DOCK3: variants seen among roughly 807,000 people sequenced by gnomAD.
DOCK3 encodes dedicator of cytokinesis 3, also known as dedicator of cytokinesis protein 3.
Under a neutral mutation model 265.6 loss-of-function variants are expected in DOCK3, and 60 were observed. The ratio of observed to expected loss-of-function variants is 0.23; its 90% CI spans 0.18 to 0.28. The LOEUF is 0.28. Ranked by LOEUF, DOCK3 falls within the 10% of genes least tolerant of loss-of-function variation. The pLI, the probability that DOCK3 is intolerant of heterozygous loss-of-function variation, is 1.00. For synonymous variants in DOCK3, 881 were observed against 938.0 expected (o/e 0.94, Z 1.11); for missense variants, 1,981 against 2,594.3 (o/e 0.76, Z 5.14).
chr3:51,202,033 G>A (rs2088815996), intron 12 of DOCK3, among the ~76,000 whole-genome samples: 1 of 152,126 alleles, frequency 6.6e-6, no homozygotes, highest in Admixed American at 6.5e-5. Flanking sequence ...GTGTGTAGAG[G>A]GAAATTTATA....
At chr3:50,776,537 GTTGA>G (rs1166516862) in intron 1 of DOCK3, among the ~76,000 whole-genome samples, 4 of 151,942 alleles carry the variant, frequency 2.6e-5, no homozygotes, top group African/African-American at 7.3e-5. Flanking sequence ...TGTTTACTCT[GTTGA>G]TTATTTCTTT....
chr3:51,242,561 T>C (rs9860403), intron 21 of DOCK3, among the ~76,000 whole-genome samples: 124,870 of 151,980 alleles, frequency 0.82, 51,889 homozygotes, highest in Middle Eastern at 0.9. Context: ...GCAACTTTTG[T>C]GCAGTCACGG....
intron 3 of DOCK3, among the ~76,000 whole-genome samples, chr3:50,883,128 A>T (rs1037073057): frequency 2.6e-5 from 4 of 151,944 alleles, no homozygotes; most frequent in Non-Finnish European, 5.9e-5. Context: ...GGGGTGGGGG[A>T]ATGGGGGAGG....
At chr3:51,006,677 G>T (rs2078688284) in intron 5 of DOCK3, among the ~76,000 whole-genome samples, 1 of 152,050 alleles carries the variant, frequency 6.6e-6, no homozygotes, top group South Asian at 2.1e-4. Flanking sequence ...ACGACGTGCA[G>T]GTTTGTTACA....
chr3:50,937,453 G>A (rs2051440042), intron 5 of DOCK3, among the ~76,000 whole-genome samples: 1 of 152,080 alleles, frequency 6.6e-6, no homozygotes, highest in Non-Finnish European at 1.5e-5. Context: ...AGGAGATTGA[G>A]ACCATCCTAG....
intron 5 of DOCK3, among the ~76,000 whole-genome samples, chr3:51,038,236 G>T (rs1435233159): frequency 6.6e-6 from 1 of 152,164 alleles, no homozygotes; most frequent in Non-Finnish European, 1.5e-5. Context: ...TATGTATAGG[G>T]TATATATGGT....
chr3:51,261,411 C>T, intron 23 of DOCK3, among the ~76,000 whole-genome samples: 1 of 152,194 alleles, frequency 6.6e-6, no homozygotes, highest in East Asian at 1.9e-4. Flanking sequence ...ATGGTCTTTG[C>T]AACCTGCAGA....
At chr3:51,346,729 C>A (rs752631787) in intron 38 of DOCK3, among the ~76,000 whole-genome samples, 3 of 152,172 alleles carry the variant, frequency 2.0e-5, no homozygotes, top group Non-Finnish European at 4.4e-5. Context: ...CTTCCACAAT[C>A]ATTGAACTAG....
chr3:51,216,356 T>C (rs996145878), intron 14 of DOCK3, among the ~76,000 whole-genome samples: 1 of 152,218 alleles, frequency 6.6e-6, no homozygotes, highest in African/African-American at 2.4e-5. Flanking sequence ...TCTGGAAATA[T>C]GTAATTTCAA....
chr3:50,871,629 A>C (rs983043374), intron 3 of DOCK3, among the ~76,000 whole-genome samples: 1 of 149,348 alleles, frequency 6.7e-6, no homozygotes, highest in African/African-American at 2.5e-5. Context: ...TTCTTTCTCT[A>C]CCTCCTCTTT....
chr3:50,775,591 TTTC>T (rs1293025690), intron 1 of DOCK3, among the ~76,000 whole-genome samples: 1 of 152,008 alleles, frequency 6.6e-6, no homozygotes, highest in African/African-American at 2.4e-5. Context: ...TGACAGGGCG[TTTC>T]TTCTTATTTT....
At chr3:51,139,994 T>C (rs1400591611) in intron 9 of DOCK3, among the ~76,000 whole-genome samples, 1 of 152,194 alleles carries the variant, frequency 6.6e-6, no homozygotes, top group Non-Finnish European at 1.5e-5. Flanking sequence ...GCCGAGTCAA[T>C]TGTTTCACAC....
chr3:51,381,772 AT>A lies in DOCK3; in HGVS notation c.*220del. On this transcript the variant is annotated 3_prime_UTR_variant, in exon 53 of 53. Coordinates refer to ENST00000266037, the MANE Select transcript of DOCK3 (RefSeq NM_004947.5). This position sits in a 1 kb window ranked among gnomAD's most constrained non-coding sequence, Gnocchi z 5.6. ...ATGAAGGGTTGTGGCTTCCCTTTTT[AT>A]TTTTTTACATTTCCATTTCTATGGG... is the stretch of plus-strand genomic sequence containing the variant. 6.0e-6 allele frequency: 3 copies of A among 501,752 alleles called. No homozygotes were observed. The highest frequency in any genetic ancestry group is 3.3e-5 in the East Asian group (1 of 30,302). The allele number at this position is 501,752 out of a possible 1,614,324, so 31.1% of individuals were successfully genotyped here.
chr3:50,702,661 GCC>G (rs1242123779), intron 1 of DOCK3, among the ~76,000 whole-genome samples: 1 of 152,024 alleles, frequency 6.6e-6, no homozygotes, highest in African/African-American at 2.4e-5. Flanking sequence ...GAGCCACTGT[GCC>G]CAGTCTGATT....
intron 12 of DOCK3, among the ~76,000 whole-genome samples, chr3:51,198,644 TG>T (rs2088481166): frequency 6.6e-6 from 1 of 151,376 alleles, no homozygotes; most frequent in Non-Finnish European, 1.5e-5. Flanking sequence ...TAATACAATC[TG>T]TGTGCATTTC....
intron 19 of DOCK3, among the ~76,000 whole-genome samples, chr3:51,233,834 A>G (rs1394588123): frequency 6.6e-6 from 1 of 152,152 alleles, no homozygotes; most frequent in Non-Finnish European, 1.5e-5. Context: ...TGGCTTTTTT[A>G]ACATATACCA....
chr3:51,121,648 T>C (rs1161827324), intron 9 of DOCK3, among the ~76,000 whole-genome samples: 3 of 152,086 alleles, frequency 2.0e-5, no homozygotes, highest in Admixed American at 2.0e-4. Context: ...TGTCCAGTGA[T>C]TTGTATTTTT....
chr3:50,946,911 G>A (rs1384431844), intron 5 of DOCK3, among the ~76,000 whole-genome samples: 1 of 152,128 alleles, frequency 6.6e-6, no homozygotes, highest in Admixed American at 6.5e-5. Context: ...GATGGAAGAT[G>A]TCTAAAACTT....
intron 3 of DOCK3, among the ~76,000 whole-genome samples, chr3:50,879,467 AG>A (rs1414125555): frequency 6.8e-6 from 1 of 146,570 alleles, no homozygotes; most frequent in Admixed American, 7.0e-5. Flanking sequence ...AAAAAAAGGA[AG>A]GGGTTGCAAT....
Sources: gnomAD v4.1 joint callset for allele counts (sites outside exome capture counted in the v4.1 genomes callset) on GRCh38, gnomAD v4.1.1 for gene constraint, Gnocchi (gnomAD v3.1) non-coding constraint, MANE v1.5 for transcripts, NCBI Gene and HGNC (gene_info 2026-07-23, HGNC 2026-07-21) for gene names.